CNTN6: variants seen among roughly 807,000 people sequenced by gnomAD.
CNTN6 encodes contactin-6.
A neutral mutation model predicts 122.8 loss-of-function variants in CNTN6; 137 were observed. The observed-to-expected ratio is 1.12, with a 90% confidence interval of 0.97 to 1.29. The LOEUF (loss-of-function observed/expected upper bound fraction) is 1.29. CNTN6 is among the 50% of genes most tolerant of loss of function. The pLI is 0.00. For synonymous variants in CNTN6, 570 were observed against 426.0 expected, an observed-to-expected ratio of 1.34 and a Z score of -4.16; for missense variants, 1,634 against 1,223.4, an observed-to-expected ratio of 1.34 and a Z score of -5.01.
chr3:1,307,084 A>G (rs756370049), intron 7 of CNTN6, among the ~76,000 whole-genome samples: 16 of 152,270 alleles, frequency 1.1e-4, no homozygotes, highest in South Asian at 2.1e-4. Context: ...GAGATAAAGA[A>G]GATTACATAA....
intron 11 of CNTN6, among the ~76,000 whole-genome samples, chr3:1,340,518 T>C (rs1242270197): frequency 1.3e-5 from 2 of 152,134 alleles, no homozygotes; most frequent in African/African-American, 4.8e-5. Flanking sequence ...TTTGATGGCA[T>C]GGAGAGGTAG....
At chr3:1,245,486 A>G (rs1333612203) in intron 4 of CNTN6, among the ~76,000 whole-genome samples, 2 of 148,880 alleles carry the variant, frequency 1.3e-5, no homozygotes, top group Non-Finnish European at 3.0e-5. Flanking sequence ...GAGCTAAGCT[A>G]TGTGTACACA....
chr3:1,236,317 C>A (rs1051730353), intron 4 of CNTN6, among the ~76,000 whole-genome samples: 1 of 152,106 alleles, frequency 6.6e-6, no homozygotes, highest in African/African-American at 2.4e-5. Context: ...CAACCAAGGA[C>A]CCTCACAGAG....
intron 20 of CNTN6, among the ~76,000 whole-genome samples, chr3:1,386,611 T>A (rs1692985250): frequency 6.6e-6 from 1 of 152,126 alleles, no homozygotes; most frequent in Non-Finnish European, 1.5e-5. Context: ...GTAAGATGAT[T>A]TTTTTGTGGT....
intron 11 of CNTN6, among the ~76,000 whole-genome samples, chr3:1,338,942 A>G (rs1237442328): frequency 6.6e-6 from 1 of 152,048 alleles, no homozygotes; most frequent in Non-Finnish European, 1.5e-5. Context: ...AATAAAAATA[A>G]ATAATTAGAA....
chr3:1,264,715 A>G (rs2094899673), intron 4 of CNTN6, among the ~76,000 whole-genome samples: 1 of 152,102 alleles, frequency 6.6e-6, no homozygotes, highest in Admixed American at 6.5e-5. Flanking sequence ...TGTGGTAAAA[A>G]CATTTAAAAT....
At chr3:1,369,314 G>A (rs1270560017) in intron 12 of CNTN6, among the ~76,000 whole-genome samples, 9 of 151,038 alleles carry the variant, frequency 6.0e-5, no homozygotes, top group Admixed American at 5.9e-4. Context: ...TTGGATTCAT[G>A]CTAGCTTCCT....
intron 4 of CNTN6, among the ~76,000 whole-genome samples, chr3:1,276,198 T>A (rs953140087): frequency 3.3e-5 from 5 of 152,200 alleles, no homozygotes; most frequent in Non-Finnish European, 5.9e-5. Flanking sequence ...TGTATTTTTT[T>A]AAAAATTCAT....
chr3:1,237,735 G>A (rs2094438952), intron 4 of CNTN6, among the ~76,000 whole-genome samples: 3 of 152,144 alleles, frequency 2.0e-5, no homozygotes, highest in African/African-American at 7.2e-5. Flanking sequence ...AAGGGATTGG[G>A]ATTCTATTTT....
At chr3:1,272,353 T>C (rs990105308) in intron 4 of CNTN6, among the ~76,000 whole-genome samples, 5 of 152,194 alleles carry the variant, frequency 3.3e-5, no homozygotes, top group African/African-American at 1.2e-4. Context: ...CCTCCTTCGC[T>C]AAATGAAAGT....
intron 1 of CNTN6, among the ~76,000 whole-genome samples, chr3:1,094,766 T>C (rs2090432789): frequency 1.3e-5 from 2 of 152,102 alleles, no homozygotes; most frequent in African/African-American, 4.8e-5. Flanking sequence ...CTTCTGGGTT[T>C]TTTTTTTAGT....
chr3:1,363,997 C>T (rs865806043), intron 12 of CNTN6, among the ~76,000 whole-genome samples: 3 of 151,792 alleles, frequency 2.0e-5, no homozygotes, highest in Admixed American at 2.0e-4. Flanking sequence ...TTGCATTTGC[C>T]TGATGATTTA....
rs749974081 is a variant in CNTN6, at chr3:1,357,825, A to G, written c.1492+5374A>G. 2.6e-5 allele frequency among the ~76,000 whole-genome samples: 4 copies of G among 152,010 alleles called. No homozygotes were observed. In the East Asian group the frequency reaches 5.8e-4, roughly 22 times the overall value. On this transcript the variant is annotated intron_variant, in intron 12 of 22. Coordinates refer to ENST00000446702, the MANE Select transcript of CNTN6 (RefSeq NM_001289080.2). ...GAGTGCAATATTTATGTGCATTTAC[A>G]TTTTATTATATGTAAATTTTACATA...
intron 4 of CNTN6, among the ~76,000 whole-genome samples, chr3:1,258,752 T>C (rs2094799196): frequency 6.6e-6 from 1 of 152,132 alleles, no homozygotes. Flanking sequence ...GGTTCAGGTT[T>C]TATCTGCTCC....
intron 4 of CNTN6, among the ~76,000 whole-genome samples, chr3:1,272,383 G>A (rs945515935): frequency 1.3e-5 from 2 of 152,198 alleles, no homozygotes; most frequent in South Asian, 4.1e-4. Context: ...ACAGGTGATT[G>A]TGAGGATTAC....
intron 20 of CNTN6, 29 bp downstream of exon 20, chr3:1,385,826 GATTC>G (rs779514929): frequency 4.5e-6 from 7 of 1,562,278 alleles, no homozygotes; most frequent in Non-Finnish European, 6.1e-6. Flanking sequence ...CAGGAAACAA[GATTC>G]ATCTGTGAAG....
At chr3:1,277,829 T>C (rs1463576738) in intron 4 of CNTN6, among the ~76,000 whole-genome samples, 2 of 152,212 alleles carry the variant, frequency 1.3e-5, no homozygotes, top group Non-Finnish European at 2.9e-5. Flanking sequence ...GTAAGCACTC[T>C]TTCAACTCTG....
intron 4 of CNTN6, among the ~76,000 whole-genome samples, chr3:1,236,303 A>C (rs2094420955): frequency 6.6e-6 from 1 of 151,998 alleles, no homozygotes; most frequent in Non-Finnish European, 1.5e-5. Flanking sequence ...GCTAAACAAA[A>C]ACGCAACCAA....
chr3:1,227,803 T>A lies in CNTN6; in HGVS notation c.183-15T>A. The A allele has an allele frequency of 6.2e-7, 1 of 1,612,454 alleles. No individual in the cohort carries two copies. The highest frequency in any genetic ancestry group is 1.1e-5 in the South Asian group (1 of 90,706). On this transcript the variant is annotated splice_polypyrimidine_tract_variant and intron_variant, in intron 3 of 22. Transcript: ENST00000446702. ...TCTGTATATTATAAGCACTTTATTT[T>A]TTTTTTCCTTGAAGGTGGAAGCAAA... is the stretch of plus-strand genomic sequence containing the variant.
Sources: allele counts gnomAD v4.1 joint callset (sites outside exome capture counted in the v4.1 genomes callset), GRCh38; gene constraint gnomAD v4.1.1; transcripts MANE v1.5; gene names NCBI Gene and HGNC (gene_info 2026-07-23, HGNC 2026-07-21).